NRG3: variants seen among roughly 807,000 people sequenced by gnomAD.
The protein encoded by NRG3 is neuregulin 3.
In NRG3, 31 loss-of-function variants were observed where a neutral mutation model predicts 66.9. The observed-to-expected ratio is 0.46, with a 90% CI of 0.35 to 0.63. The LOEUF is 0.63. Ranked by LOEUF, NRG3 falls within the 20% of genes least tolerant of loss-of-function variation. NRG3 has a pLI of 0.00. For missense variants in NRG3, 910 were observed against 878.9 expected, an observed-to-expected ratio of 1.04 and a Z score of -0.45; for synonymous variants, 393 against 359.4, an observed-to-expected ratio of 1.09 and a Z score of -1.06.
intron 2 of NRG3, among the ~76,000 whole-genome samples, chr10:82,691,157 C>A (rs1007464358): frequency 2.0e-5 from 3 of 152,066 alleles, no homozygotes; most frequent in Non-Finnish European, 4.4e-5. Context: ...TTCTAGAAAA[C>A]CCTCAAAGAA....
chr10:82,713,635 A>C (rs993876783), intron 2 of NRG3, among the ~76,000 whole-genome samples: 5 of 152,208 alleles, frequency 3.3e-5, no homozygotes, highest in Non-Finnish European at 5.9e-5. Flanking sequence ...AAATAATACA[A>C]ATACAGAGGA....
chr10:82,424,633 T>A (rs1333897265), intron 2 of NRG3, among the ~76,000 whole-genome samples: 1 of 152,040 alleles, frequency 6.6e-6, no homozygotes, highest in African/African-American at 2.4e-5. Context: ...TGCAAAAGAG[T>A]TAATTTTGAC....
intron 1 of NRG3, among the ~76,000 whole-genome samples, chr10:81,947,595 G>A (rs1050964043): frequency 3.1e-4 from 47 of 151,334 alleles, no homozygotes; most frequent in African/African-American, 9.2e-4. Context: ...AATTTGACCC[G>A]AAAGCCCCAG....
intron 2 of NRG3, among the ~76,000 whole-genome samples, chr10:82,364,265 G>A (rs563033439): frequency 6.6e-6 from 1 of 152,258 alleles, no homozygotes; most frequent in East Asian, 1.9e-4. Flanking sequence ...CTATTTGAAT[G>A]TGTCTGCTCC....
At chr10:82,438,251 T>A (rs1018889957) in intron 2 of NRG3, among the ~76,000 whole-genome samples, 1 of 151,808 alleles carries the variant, frequency 6.6e-6, no homozygotes, top group East Asian at 2.0e-4. Context: ...CTGGCTGGAG[T>A]TATTGGAGGT....
chr10:82,618,038 C>CT (rs2048781468), intron 2 of NRG3, among the ~76,000 whole-genome samples: 1 of 152,158 alleles, frequency 6.6e-6, no homozygotes, highest in African/African-American at 2.4e-5. Context: ...GTTGGGACTT[C>CT]TGTGGGTCCA....
intron 3 of NRG3, among the ~76,000 whole-genome samples, chr10:82,861,921 T>C (rs1182737466): frequency 6.6e-6 from 1 of 152,208 alleles, no homozygotes; most frequent in Non-Finnish European, 1.5e-5. Context: ...ACAAATATTA[T>C]TTTTAGTGTA....
intron 1 of NRG3, among the ~76,000 whole-genome samples, chr10:81,995,742 A>T (rs1365772372): frequency 6.6e-6 from 1 of 152,202 alleles, no homozygotes; most frequent in East Asian, 1.9e-4. Context: ...TAGACCACCC[A>T]CTTCTGCAGG....
chr10:82,644,160 G>C (rs749049072), intron 2 of NRG3, among the ~76,000 whole-genome samples: 3 of 152,050 alleles, frequency 2.0e-5, no homozygotes, highest in East Asian at 1.9e-4. Flanking sequence ...GGAACCTAAT[G>C]CTCCTTATAT....
intron 1 of NRG3, among the ~76,000 whole-genome samples, chr10:82,355,452 G>A (rs564332848): frequency 1.3e-5 from 2 of 152,248 alleles, no homozygotes; most frequent in African/African-American, 4.8e-5. Flanking sequence ...ACAAATAGAT[G>A]TATGAATACA....
intron 2 of NRG3, among the ~76,000 whole-genome samples, chr10:82,458,995 C>T (rs2136688089): frequency 6.6e-6 from 1 of 152,276 alleles, no homozygotes; most frequent in South Asian, 2.1e-4. Context: ...GGCAGTTTCT[C>T]TTAGATTGAT....
At chr10:82,047,871 G>A (rs898654972) in intron 1 of NRG3, among the ~76,000 whole-genome samples, 40 of 152,110 alleles carry the variant, frequency 2.6e-4, no homozygotes, top group East Asian at 9.7e-4. Flanking sequence ...ATGCAGAGAC[G>A]CACATAGGCT....
At chr10:82,959,349 C>T (rs920806571) in intron 6 of NRG3, among the ~76,000 whole-genome samples, 2 of 152,116 alleles carry the variant, frequency 1.3e-5, no homozygotes, top group African/African-American at 4.8e-5. Flanking sequence ...GTCCCATGAA[C>T]ACTTGTTGAA....
chr10:82,424,610 G>C (rs551965907), intron 2 of NRG3, among the ~76,000 whole-genome samples: 49 of 151,908 alleles, frequency 3.2e-4, no homozygotes, highest in Admixed American at 7.9e-4. Context: ...TTATAAAATT[G>C]TATCCTTTAA....
At chr10:82,112,795 G>A (rs544319753) in intron 1 of NRG3, among the ~76,000 whole-genome samples, 3 of 152,190 alleles carry the variant, frequency 2.0e-5, no homozygotes, top group South Asian at 2.1e-4. Context: ...TTGCCAGGTC[G>A]TGACCATGCT....
intron 1 of NRG3, among the ~76,000 whole-genome samples, chr10:81,888,257 A>G (rs1233569384): frequency 1.3e-5 from 2 of 152,060 alleles, no homozygotes; most frequent in African/African-American, 2.4e-5. Flanking sequence ...CTGAGTGGAC[A>G]CCTTGTATTT....
intron 4 of NRG3, among the ~76,000 whole-genome samples, chr10:82,902,313 T>G (rs913319827): frequency 6.6e-6 from 1 of 152,162 alleles, no homozygotes; most frequent in Non-Finnish European, 1.5e-5. Flanking sequence ...TTAAAAAGAT[T>G]ACATTATTTT....
intron 3 of NRG3, among the ~76,000 whole-genome samples, chr10:82,756,238 G>A (rs946956545): frequency 2.2e-4 from 34 of 152,146 alleles, no homozygotes; most frequent in African/African-American, 7.9e-4. Context: ...GCTCTTCAGC[G>A]TCTGTTTATT....
At chr10:82,777,942 T>C (rs547162264) in intron 3 of NRG3, among the ~76,000 whole-genome samples, 8 of 152,298 alleles carry the variant, frequency 5.3e-5, no homozygotes, top group Non-Finnish European at 1.5e-5. Flanking sequence ...CAGTTCAGAT[T>C]CCAAAAGGCT....
Sources: allele counts gnomAD v4.1 joint callset (sites outside exome capture counted in the v4.1 genomes callset), GRCh38; gene constraint gnomAD v4.1.1; transcripts MANE v1.5; gene names NCBI Gene and HGNC (gene_info 2026-07-23, HGNC 2026-07-21).